Variants in KERA observed in about 807,000 individuals in gnomAD.
KERA encodes keratan sulfate proteoglycan keratocan.
In KERA, 25 loss-of-function variants were observed where a neutral mutation model predicts 26.4. That is an observed-to-expected ratio of 0.95 (90% CI 0.69 to 1.32). The LOEUF is 1.32. Among genes scored for constraint, KERA ranks in the 40% most tolerant of loss-of-function variants. The pLI is 0.00. For synonymous variants in KERA, 167 were observed against 146.1 expected (o/e 1.14, Z -1.03); for missense variants, 434 against 408.9 (o/e 1.06, Z -0.53).
At chr12:91,052,903 A>G (rs1223226234) in intron 2 of KERA, among the ~76,000 whole-genome samples, 2 of 151,526 alleles carry the variant, frequency 1.3e-5, no homozygotes, top group African/African-American at 2.4e-5. Flanking sequence ...AGTATTCTAA[A>G]TTTAATTACA....
At chr12:91,053,314 A>T (rs1878911184) in intron 2 of KERA, among the ~76,000 whole-genome samples, 1 of 151,402 alleles carries the variant, frequency 6.6e-6, no homozygotes, top group Non-Finnish European at 1.5e-5. Flanking sequence ...AGAATTTTTT[A>T]AAAATTTGTA....
chr12:91,053,696 A>G (rs79307265), intron 2 of KERA, among the ~76,000 whole-genome samples: 4,603 of 151,430 alleles, frequency 0.03, 75 homozygotes, highest in African/African-American at 0.035. Context: ...TTAGAAACCT[A>G]TGAGAAAACA....
In KERA at chr12:91,055,994, C is replaced by T. The variant is rs868610169; in HGVS notation, c.288G>A (p.Gln96=). ...IPEKPFENAT[Q]LRWINLNKNK... ...TCTTGTTTAGATTTATCCATCTTAG[C>T]TGGGTGGCATTCTCAAATGGCTTTT... is the stretch of plus-strand genomic sequence containing the variant. Residue 96 remains glutamine, a synonymous_variant, in exon 2 of 3, where the codon CAG becomes CAA. Coordinates refer to ENST00000266719, the MANE Select transcript of KERA (RefSeq NM_007035.4). The T allele has an allele frequency of 1.8e-5, 29 of 1,610,542 alleles. No homozygotes were observed. Among genetic ancestry groups the T allele is most frequent in the Middle Eastern group, 3.3e-4 (2 of 6,066 alleles).
Position 91,055,803 on chromosome 12 carries a change from C to T in KERA, c.479G>A (p.Gly160Glu), listed in dbSNP as rs761563452. ...CAGGTTCTCCAGATTGCTAAAGGTC[C>T]CTTGAGGAATTCTGGACACCTTATT... ...ARNKVSRIPQ[G>E]TFSNLENLTL... Residue 160 changes from glycine to glutamate, a missense_variant, in exon 2 of 3, where the codon GGG becomes GAG. Physicochemically the swap from Gly to Glu is moderately conservative, Grantham distance 98. Transcript: ENST00000266719. 2 of 1,611,182 alleles carry T rather than the reference C, an allele frequency of 1.2e-6. No individual in the cohort carries two copies. Among genetic ancestry groups the T allele is most frequent in the East Asian group, 2.2e-5 (1 of 44,786 alleles).
intron 1 of KERA, among the ~76,000 whole-genome samples, 176 bp from the exon 2 acceptor site, chr12:91,056,465 A>G (rs1436451700): frequency 2.6e-5 from 4 of 151,212 alleles, no homozygotes; most frequent in African/African-American, 9.7e-5. Context: ...TATGCAAAGC[A>G]TTTTGCAAAC....
At chr12:91,056,949 G>T (rs187323111) in intron 1 of KERA, among the ~76,000 whole-genome samples, 131 of 150,142 alleles carry the variant, frequency 8.7e-4, no homozygotes, top group Non-Finnish European at 1.4e-3. Flanking sequence ...CCAAGCTATT[G>T]AATTATCAAT....
At chr12:91,053,618 C>T (rs940019386) in intron 2 of KERA, among the ~76,000 whole-genome samples, 6 of 151,308 alleles carry the variant, frequency 4.0e-5, no homozygotes, top group African/African-American at 1.2e-4. Context: ...GGGTAGGAAA[C>T]AGCAACCTGG....
chr12:91,054,802 C>G (rs1221382215), intron 2 of KERA, among the ~76,000 whole-genome samples: 1 of 151,170 alleles, frequency 6.6e-6, no homozygotes, highest in Non-Finnish European at 1.5e-5. Flanking sequence ...CCCAGAACAT[C>G]AACTGGACGG....
At position 91,055,696 on chromosome 12, in the gene KERA, G is replaced by A. The variant is rs1205253713; in HGVS notation, c.586C>T (p.Gln196Ter). 6.2e-7 allele frequency: 1 copy of A among 1,611,360 alleles called. No individual in the cohort carries two copies. Among genetic ancestry groups the A allele is most frequent in the South Asian group, 1.1e-5 (1 of 91,034 alleles). The change falls in exon 2 of 3, where the codon CAG (glutamine) becomes TAG (stop). Residue 196 changes from glutamine to a stop codon, truncating the protein, a stop_gained. Transcript: ENST00000266719. LOFTEE classifies it high-confidence loss of function. ...DTFKGLKNLM[Q>*]LNMAKNALRN... is the part of the protein sequence containing the mutation. ...AGGGCATTCTTGGCCATGTTTAGCTGCATGAGATTCTTGAGTCCTTTAAAA... is the reference window on the plus strand; with the variant it reads ...AGGGCATTCTTGGCCATGTTTAGCTACATGAGATTCTTGAGTCCTTTAAAA...
chr12:91,055,647 G>A lies in KERA; in HGVS notation c.635C>T (p.Pro212Leu), dbSNP rs1265709417. ...TAAAAACAACTGCATTGTATTGGCT[G>A]GTAATCTTGGAGGCATATTCCTCAG... ...NALRNMPPRL[P>L]ANTMQLFLDN... The change falls in exon 2 of 3, where the codon CCA (proline) becomes CTA (leucine). Residue 212 changes from proline to leucine, a missense_variant. Physicochemically the swap from Pro to Leu is moderately conservative, Grantham distance 98. Transcript: ENST00000266719. 1 of 1,611,140 alleles carries A rather than the reference G, an allele frequency of 6.2e-7. No individual in the cohort carries two copies. The highest frequency in any genetic ancestry group is 1.7e-5 in the Admixed American group (1 of 59,710).
rs752726071 is a variant in KERA at position 91,055,609 on chromosome 12, T to C, written c.673A>G (p.Ile225Val). The change falls in exon 2 of 3, where the codon ATT (isoleucine) becomes GTT (valine). Residue 225 changes from isoleucine (I) to valine (V), a missense_variant. Coordinates refer to ENST00000266719, the MANE Select transcript of KERA (RefSeq NM_007035.4). ...TMQLFLDNNS[I>V]EGIPENYFNV... is the part of the protein sequence containing the mutation. ...AAATAATTTTCTGGTATTCCTTCAA[T>C]GGAATTGTTGTCTAAAAACAACTGC... 1.9e-6 allele frequency: 3 copies of C among 1,611,098 alleles called. No individual in the cohort carries two copies. Among genetic ancestry groups the C allele is most frequent in the African/African-American group, 1.3e-5 (1 of 74,764 alleles).
intron 1 of KERA, among the ~76,000 whole-genome samples, chr12:91,057,229 T>C (rs1879031519): frequency 6.7e-6 from 1 of 150,280 alleles, no homozygotes; most frequent in East Asian, 2.0e-4. Context: ...GGAAAGTAGG[T>C]TAGCGTTTAC....
At chr12:91,053,460 T>G (rs1450529693) in intron 2 of KERA, among the ~76,000 whole-genome samples, 2 of 151,354 alleles carry the variant, frequency 1.3e-5, no homozygotes, top group Non-Finnish European at 3.0e-5. Context: ...AGTTTCTCTC[T>G]TTCAGAAATT....
In KERA at chr12:91,055,745, C is replaced by A. The variant is rs779596762; in HGVS notation, c.537G>T (p.Val179=). 3.1e-6 allele frequency: 5 copies of A among 1,611,256 alleles called. No individual in the cohort carries two copies. In the East Asian group the frequency reaches 1.1e-4, roughly 36 times the overall value. Residue 179 remains valine (V), a synonymous_variant, in exon 2 of 3, where the codon GTG becomes GTT. Coordinates refer to ENST00000266719, the MANE Select transcript of KERA (RefSeq NM_007035.4). ...AAGTGTCTCTTTGAAAGGCATTGTCCACTAATTTGTTGTTCTGTAGGTCAA... is the reference window on the plus strand; with the variant it reads ...AAGTGTCTCTTTGAAAGGCATTGTCAACTAATTTGTTGTTCTGTAGGTCAA... ...TLLDLQNNKL[V]DNAFQRDTFK...
At chr12:91,054,942 C>T (rs1878954046) in intron 2 of KERA, among the ~76,000 whole-genome samples, 1 of 151,118 alleles carries the variant, frequency 6.6e-6, no homozygotes, top group South Asian at 2.1e-4. Context: ...ATTAGAGACT[C>T]CAATTAGGAG....
At chr12:91,052,581 G>T (rs1365426934) in intron 2 of KERA, among the ~76,000 whole-genome samples, 1 of 151,486 alleles carries the variant, frequency 6.6e-6, no homozygotes, top group Non-Finnish European at 1.5e-5. Context: ...CAGTTTAGTT[G>T]TTATAAAATC....
intron 2 of KERA, among the ~76,000 whole-genome samples, chr12:91,053,349 G>T (rs970199146): frequency 1.3e-5 from 2 of 151,174 alleles, no homozygotes; most frequent in Admixed American, 6.6e-5. Context: ...GGAAAGTATT[G>T]TTATTATACT....
At position 91,055,915 on chromosome 12, in the gene KERA, A is replaced by C. The variant is rs1262356423; in HGVS notation, c.367T>G (p.Leu123Val). 1.2e-6 allele frequency: 2 copies of C among 1,611,116 alleles called. No homozygotes were observed. The highest frequency in any genetic ancestry group is 2.7e-5 in the African/African-American group (2 of 74,740). The change falls in exon 2 of 3, where the codon TTG (leucine) becomes GTG (valine). Residue 123 changes from leucine (L) to valine (V), a missense_variant. By Grantham distance (32) the Leu-to-Val change is conservative. Transcript: ENST00000266719. Reference sequence around the variant, plus strand: ...TTATCTTCCAGAAATAAGAAGAGCAACTTCTTCAGCTGGCTTAGGGCTCCT... The same window carrying C: ...TTATCTTCCAGAAATAAGAAGAGCACCTTCTTCAGCTGGCTTAGGGCTCCT... ...EKGALSQLKK[L>V]LFLFLEDNEL...
chr12:91,056,075 A>G lies in KERA; in HGVS notation c.207T>C (p.Ile69=), dbSNP rs35693771. 0.018 allele frequency: 29,560 copies of G among 1,608,510 alleles called. 366 individuals carry two copies. The highest frequency in any genetic ancestry group is 0.022 in the Non-Finnish European group (25,322 of 1,177,522). Residue 69 remains isoleucine (I), a synonymous_variant, in exon 2 of 3, where the codon ATT becomes ATC. Coordinates refer to ENST00000266719, the MANE Select transcript of KERA (RefSeq NM_007035.4). Reference sequence around the variant, plus strand: ...GATAAAGATACCAAATTCTTGAAGGAATAGCAGGAATTTCTTTGAGACCTC... The same window carrying G: ...GATAAAGATACCAAATTCTTGAAGGGATAGCAGGAATTTCTTTGAGACCTC... ...ENRGLKEIPA[I]PSRIWYLYLQ...
Sources: gnomAD v4.1 joint callset for allele counts (sites outside exome capture counted in the v4.1 genomes callset) on GRCh38, gnomAD v4.1.1 for gene constraint, MANE v1.5 for transcripts, NCBI Gene and HGNC (gene_info 2026-07-23, HGNC 2026-07-21) for gene names.